The following C20orf96 variants were observed in gnomAD, a reference collection of about 807,000 sequenced individuals.
C20orf96 encodes the protein chromosome 20 open reading frame 96, also known as uncharacterized protein C20orf96.
A neutral mutation model predicts 52.6 loss-of-function variants in C20orf96; 57 were observed. The ratio of observed to expected loss-of-function variants is 1.08; its 90% CI spans 0.88 to 1.35. The LOEUF (loss-of-function observed/expected upper bound fraction) is 1.35, where lower values mean the gene tolerates loss of function less well. Ranked by LOEUF, C20orf96 falls within the 40% of genes most tolerant of loss-of-function variation. C20orf96 has a pLI of 0.00. For missense variants in C20orf96, 478 were observed against 443.6 expected (o/e 1.08, Z -0.70); for synonymous variants, 168 against 157.2 (o/e 1.07, Z -0.51).
At position 275,443 on chromosome 20, in the gene C20orf96, C is replaced by T. The variant is rs141178703; in HGVS notation, c.1031+525G>A. On this transcript the variant is annotated intron_variant, in intron 10 of 10. Coordinates refer to ENST00000360321, the MANE Select transcript of C20orf96 (RefSeq NM_153269.3). ...AATTAAAGAATTTGCAAATGCTAGGCTCTGCCACACATGGTCCTGTGGTGT... is the reference window on the plus strand; with the variant it reads ...AATTAAAGAATTTGCAAATGCTAGGTTCTGCCACACATGGTCCTGTGGTGT... Among the ~76,000 whole-genome samples, 944 of 152,330 alleles carry T rather than the reference C, an allele frequency of 6.2e-3. 8 individuals are homozygous for T. Among genetic ancestry groups the T allele is most frequent in the South Asian group, 0.027 (131 of 4,822 alleles).
At chr20:277,010 G>C in intron 8 of C20orf96, 34 bp downstream of exon 8, 1 of 1,602,338 alleles carries the variant, frequency 6.2e-7, no homozygotes, top group Non-Finnish European at 8.5e-7. Context: ...GTGAGACCTG[G>C]ATCCCCGCTC....
At position 287,908 on chromosome 20, in the gene C20orf96, C is replaced by CAAAA. The variant is rs71327437; in HGVS notation, c.187+1647_187+1650dup. On this transcript the variant is annotated intron_variant, in intron 3 of 10. Transcript: ENST00000360321. The stretch of plus-strand genomic sequence containing the variant: ...TGAGCAACAAAGCGAGACTCCTTCT[C>CAAAA]AAAAAAAAAAAAAAAAAAAAAAGTC... Among the ~76,000 whole-genome samples, 33 of 63,046 alleles carry CAAAA rather than the reference C, an allele frequency of 5.2e-4. 1 individual carries two copies. Among genetic ancestry groups the CAAAA allele is most frequent in the Admixed American group, 1.7e-3 (8 of 4,586 alleles). The allele number at this position is 63,046 out of a possible 152,430, so 41.4% of individuals were successfully genotyped here.
In C20orf96 at chr20:290,635, G is replaced by C. The variant is rs776840842; in HGVS notation, c.-25C>G. ...TTGGGGAAAATGGAAGAGAAGTTGC[G>C]AGTCTGTGAGACCCTGATCTTCTGG... On this transcript the variant is annotated 5_prime_UTR_variant, in exon 1 of 11. Coordinates refer to ENST00000360321, the MANE Select transcript of C20orf96 (RefSeq NM_153269.3). 11 of 1,606,440 alleles carry C rather than the reference G, an allele frequency of 6.8e-6. 1 individual carries two copies. The East Asian group carries it at 2.2e-4, about 33-fold the overall frequency.
At chr20:283,336 C>G (rs940252902) in intron 4 of C20orf96, among the ~76,000 whole-genome samples, 6 of 151,818 alleles carry the variant, frequency 4.0e-5, no homozygotes, top group African/African-American at 1.5e-4. Context: ...TGAAGTCTCA[C>G]TCTGTCTCCC....
At chr20:277,951 T>C (rs1437515106) in intron 6 of C20orf96, among the ~76,000 whole-genome samples, 1 of 152,194 alleles carries the variant, frequency 6.6e-6, no homozygotes, top group East Asian at 1.9e-4. Context: ...CAGAAGGACC[T>C]TGGCAGGAAA....
intron 10 of C20orf96, among the ~76,000 whole-genome samples, chr20:275,096 C>T (rs149702622): frequency 0.033 from 4,980 of 152,298 alleles, 118 homozygotes; most frequent in South Asian, 0.068. Context: ...GGATTACAGG[C>T]GTGAGCCACT....
At chr20:276,597 G>A in intron 9 of C20orf96, 196 bp downstream of exon 9, 1 of 985,408 alleles carries the variant, frequency 1.0e-6, no homozygotes, top group South Asian at 4.7e-5. Context: ...ATGAGGCAAG[G>A]CCTAGGTCAG....
At chr20:283,395 C>G (rs1308246600) in intron 4 of C20orf96, among the ~76,000 whole-genome samples, 2 of 152,032 alleles carry the variant, frequency 1.3e-5, no homozygotes, top group African/African-American at 4.8e-5. Context: ...CCTCTGCCTC[C>G]CAGGTTCAAG....
intron 4 of C20orf96, among the ~76,000 whole-genome samples, chr20:279,638 C>A (rs923405660): frequency 6.6e-6 from 1 of 152,116 alleles, no homozygotes; most frequent in Non-Finnish European, 1.5e-5. Flanking sequence ...TAAAGATGTG[C>A]CTTCATATCA....
intron 4 of C20orf96, among the ~76,000 whole-genome samples, 180 bp from the exon 5 acceptor site, chr20:279,510 A>G (rs914958890): frequency 6.6e-6 from 1 of 151,808 alleles, no homozygotes; most frequent in Non-Finnish European, 1.5e-5. Context: ...GAGCTCCGGG[A>G]CTCTCATCCG....
At chr20:280,272 C>T (rs922671751) in intron 4 of C20orf96, among the ~76,000 whole-genome samples, 1 of 125,662 alleles carries the variant, frequency 8.0e-6, no homozygotes, top group African/African-American at 3.0e-5. Context: ...CCTACAGTAA[C>T]AATAACAACA....
chr20:273,120 G>A (rs1374382480), intron 10 of C20orf96, among the ~76,000 whole-genome samples: 6 of 152,038 alleles, frequency 3.9e-5, no homozygotes, highest in African/African-American at 9.7e-5. Flanking sequence ...GACTACAGGC[G>A]CACGCCACCA....
intron 9 of C20orf96, 117 bp from the exon 10 acceptor site, chr20:276,203 A>G (rs1208363584): frequency 6.4e-6 from 10 of 1,561,464 alleles, no homozygotes; most frequent in Non-Finnish European, 8.7e-6. Context: ...GGGTTCTGTC[A>G]CTGGGACTTG....
rs188166508 is a variant in C20orf96 at position 290,222 on chromosome 20, G to A, written c.69+37C>T. ...AGAGCAGGTGGACTGCAGGGCCAGCGAGCCTCCCACCCCAGCCCTAGTCCC... is the reference window on the plus strand; with the variant it reads ...AGAGCAGGTGGACTGCAGGGCCAGCAAGCCTCCCACCCCAGCCCTAGTCCC... On this transcript the variant is annotated intron_variant, in intron 2 of 10. Transcript: ENST00000360321. The A allele has an allele frequency of 5.2e-6, 8 of 1,543,340 alleles. No homozygotes were observed. In the Admixed American group the frequency reaches 6.9e-5, roughly 13 times the overall value.
intron 3 of C20orf96, among the ~76,000 whole-genome samples, chr20:288,186 T>C (rs202013100): frequency 1.6e-4 from 11 of 70,316 alleles, no homozygotes; most frequent in South Asian, 3.8e-4. Context: ...TTTTTTTTTT[T>C]TTTTTTTTTT....
At position 271,138 on chromosome 20, in the gene C20orf96, AGTAAATGATC is replaced by A; in HGVS notation, c.*59_*68del. ...GTCTGAATGGAGATCCGGTCCTGGAAGTAAATGATCCAAGGCTCCAGGTGCTGGGAAGAGA... is the reference window on the plus strand; with the variant it reads ...GTCTGAATGGAGATCCGGTCCTGGAACAAGGCTCCAGGTGCTGGGAAGAGA... On this transcript the variant is annotated 3_prime_UTR_variant, in exon 11 of 11. Coordinates refer to ENST00000360321, the MANE Select transcript of C20orf96 (RefSeq NM_153269.3). The A allele has an allele frequency of 3.0e-6, 4 of 1,317,844 alleles. No homozygotes were observed. The highest frequency in any genetic ancestry group is 4.3e-6 in the Non-Finnish European group (4 of 935,170). 81.6% of individuals were successfully genotyped at this position (1,317,844 alleles called of 1,614,324 possible).
intron 3 of C20orf96, among the ~76,000 whole-genome samples, chr20:287,908 C>CAA (rs71327437): frequency 0.16 from 10,028 of 62,852 alleles, 939 homozygotes; most frequent in South Asian, 0.24. Flanking sequence ...GACTCCTTCT[C>CAA]AAAAAAAAAA....
intron 9 of C20orf96, 72 bp from the exon 10 acceptor site, chr20:276,158 T>C (rs2012015812): frequency 1.2e-6 from 2 of 1,605,954 alleles, no homozygotes; most frequent in Admixed American, 3.3e-5. Flanking sequence ...AAGGCCAAAA[T>C]GAACGAGGAG....
At chr20:273,907 G>GAAGGA (rs2011923674) in intron 10 of C20orf96, among the ~76,000 whole-genome samples, 1 of 47,214 alleles carries the variant, frequency 2.1e-5, no homozygotes, top group African/African-American at 9.1e-5. Context: ...GGAAGGAAGG[G>GAAGGA]AGGGAGGGAG....
Sources: gnomAD v4.1 joint callset for allele counts (sites outside exome capture counted in the v4.1 genomes callset) on GRCh38, gnomAD v4.1.1 for gene constraint, MANE v1.5 for transcripts, NCBI Gene and HGNC (gene_info 2026-07-23, HGNC 2026-07-21) for gene names.